CYFIP1: variants seen among roughly 807,000 people sequenced by gnomAD.
CYFIP1 encodes the protein cytoplasmic FMR1-interacting protein 1.
CYFIP1 carries 58 observed loss-of-function variants against 163.5 expected under a neutral mutation model. The observed-to-expected ratio is 0.35, with a 90% CI of 0.29 to 0.44. CYFIP1 has a LOEUF of 0.44. CYFIP1 is among the 20% of genes least tolerant of loss of function. The pLI is 1.00. For missense variants in CYFIP1, 1,338 were observed against 1,653.8 expected, an observed-to-expected ratio of 0.81 and a Z score of 3.31; for synonymous variants, 663 against 660.7, an observed-to-expected ratio of 1.00 and a Z score of -0.05.
intron 1 of CYFIP1, among the ~76,000 whole-genome samples, chr15:22,964,452 G>A (rs2062833269): frequency 6.6e-6 from 1 of 150,996 alleles, no homozygotes; most frequent in Admixed American, 6.6e-5. Context: ...AAGGCAGGAA[G>A]CAGCCTCCAG....
At chr15:22,924,663 G>A (rs1891104383) in intron 13 of CYFIP1, among the ~76,000 whole-genome samples, 1 of 152,072 alleles carries the variant, frequency 6.6e-6, no homozygotes, top group Admixed American at 6.5e-5. Context: ...CTCTGTGAAT[G>A]TGCTGAAAGC....
chr15:22,912,164 C>G lies in CYFIP1; in HGVS notation c.2082+15G>C. 1.2e-6 allele frequency: 2 copies of G among 1,600,666 alleles called. No individual in the cohort carries two copies. The highest frequency in any genetic ancestry group is 8.5e-7 in the Non-Finnish European group (1 of 1,170,178). On this transcript the variant is annotated intron_variant, in intron 18 of 30. Coordinates refer to ENST00000617928, the MANE Select transcript of CYFIP1 (RefSeq NM_014608.6). ...TTGAAGGAAATGAACAGAAATGGAGCTGCAGGGGCCTCACCTCGGCCTCAA... is the reference window on the plus strand; with the variant it reads ...TTGAAGGAAATGAACAGAAATGGAGGTGCAGGGGCCTCACCTCGGCCTCAA...
At chr15:22,894,863 TTA>T (rs1555401560) in intron 22 of CYFIP1, among the ~76,000 whole-genome samples, 6 of 134,584 alleles carry the variant, frequency 4.5e-5, no homozygotes, top group South Asian at 2.4e-4. Flanking sequence ...ATTATATATT[TTA>T]TATATATATA....
chr15:22,945,488 C>T (rs2062027539), intron 3 of CYFIP1, among the ~76,000 whole-genome samples: 2 of 152,198 alleles, frequency 1.3e-5, no homozygotes, highest in Non-Finnish European at 2.9e-5. Flanking sequence ...ACTGCTTTTG[C>T]TTTCCACTCT....
At chr15:22,945,635 A>G (rs2062033178) in intron 3 of CYFIP1, among the ~76,000 whole-genome samples, 2 of 150,148 alleles carry the variant, frequency 1.3e-5, no homozygotes, top group African/African-American at 4.9e-5. Flanking sequence ...GTGCAGTGGC[A>G]CGATCTCAGC....
At chr15:22,904,271 G>A (rs892755641) in intron 21 of CYFIP1, 19 of 313,480 alleles carry the variant, frequency 6.1e-5, no homozygotes, top group African/African-American at 8.5e-5. Flanking sequence ...CTCCCTGGGC[G>A]TTGGAGCTGA....
rs1251450016 is a variant in CYFIP1, at chr15:22,916,726, C to T, written c.1675-96G>A. Reference sequence around the variant, plus strand: ...AGCCCATGAGAGAAGGACTGCTCCGCTACGCCCTGGTCGGGAGGGCCCCGC... The same window carrying T: ...AGCCCATGAGAGAAGGACTGCTCCGTTACGCCCTGGTCGGGAGGGCCCCGC... On this transcript the variant is annotated intron_variant, in intron 15 of 30. Coordinates refer to ENST00000617928, the MANE Select transcript of CYFIP1 (RefSeq NM_014608.6). 103 of 1,613,872 alleles carry T rather than the reference C, an allele frequency of 6.4e-5. 1 individual carries two copies. Among genetic ancestry groups the T allele is most frequent in the Middle Eastern group, 1.6e-4 (1 of 6,062 alleles).
rs372951548 is a variant in CYFIP1 at position 22,870,087 on chromosome 15, G to C, written c.3703C>G (p.Pro1235Ala). 6.2e-7 allele frequency: 1 copy of C among 1,612,756 alleles called. No individual in the cohort carries two copies. The highest frequency in any genetic ancestry group is 2.2e-5 in the East Asian group (1 of 44,808). Residue 1235 changes from proline to alanine, a missense_variant, in exon 31 of 31, where the codon CCA (proline) becomes GCA (alanine). Physicochemically the swap from Pro to Ala is conservative, Grantham distance 27 (BLOSUM62 -1). Transcript: ENST00000617928. ...TGGAAGCAGCGCACATGCTCCACTG[G>C]CGTGCCCTCCCCGTCGCCTGACTTC... The part of the protein sequence containing the change: ...YLKSGDGEGT[P>A]VEHVRCFQPP...
rs1190769220 is a variant in CYFIP1 at position 22,895,236 on chromosome 15, G to C, written c.2589-2259C>G. Among the ~76,000 whole-genome samples, 5 of 152,036 alleles carry C rather than the reference G, an allele frequency of 3.3e-5. 1 individual carries two copies. In the South Asian group the frequency reaches 6.2e-4, roughly 19 times the overall value. ...TCACTGTGTTAGCCAGGATGGTCTC[G>C]ATCTCCTGACCTCGTGATCTGTCTG... On this transcript the variant is annotated intron_variant, in intron 22 of 30. Coordinates refer to ENST00000617928, the MANE Select transcript of CYFIP1 (RefSeq NM_014608.6).
At chr15:22,914,329 T>A (rs2060896648) in intron 17 of CYFIP1, among the ~76,000 whole-genome samples, 1 of 152,154 alleles carries the variant, frequency 6.6e-6, no homozygotes, top group African/African-American at 2.4e-5. Context: ...CGTGACTGGT[T>A]CTAGTGCCTG....
chr15:22,882,035 C>T, intron 24 of CYFIP1, 99 bp from the exon 25 acceptor site: 1 of 1,001,232 alleles, frequency 1.0e-6, no homozygotes, highest in Non-Finnish European at 1.5e-6. Context: ...TAGCAAAGAG[C>T]TCGGTAACCA....
Position 22,882,967 on chromosome 15 carries a change from G to A in CYFIP1, c.2721C>T (p.Asn907=), listed in dbSNP as rs779467521. Residue 907 remains asparagine, a synonymous_variant, in exon 24 of 31, where the codon AAC becomes AAT. Coordinates refer to ENST00000617928, the MANE Select transcript of CYFIP1 (RefSeq NM_014608.6). ...AYSSIYGSYR[N]FVGPPHFQVI... The stretch of plus-strand genomic sequence containing the variant: ...CTTGAAAGTGTGGAGGTCCCACGAA[G>A]TTCCGGTAGCTGCCGTAAATGCTGG... 7.4e-5 allele frequency: 120 copies of A among 1,613,956 alleles called. No individual in the cohort carries two copies. Among genetic ancestry groups the A allele is most frequent in the Non-Finnish European group, 9.7e-5 (115 of 1,179,962 alleles).
Position 22,944,542 on chromosome 15 carries a change from T to A in CYFIP1, c.387+16A>T. 2 of 1,568,438 alleles carry A rather than the reference T, an allele frequency of 1.3e-6. No homozygotes were observed. The highest frequency in any genetic ancestry group is 1.8e-6 in the Non-Finnish European group (2 of 1,140,048). ...CCCTCGGTGTTACACCCCCCCCAGA[T>A]TATTTGCCATTTTACCTGGAAGTAC... On this transcript the variant is annotated intron_variant, in intron 5 of 30. Transcript: ENST00000617928.
chr15:22,907,596 C>G (rs1228704457), intron 21 of CYFIP1, among the ~76,000 whole-genome samples: 1 of 152,212 alleles, frequency 6.6e-6, no homozygotes, highest in Non-Finnish European at 1.5e-5. Flanking sequence ...TAAACCCTCC[C>G]CCTGCTCCCA....
chr15:22,907,770 G>C lies in CYFIP1; in HGVS notation c.2388+1424C>G, dbSNP rs754908030. Among the ~76,000 whole-genome samples, 49 of 152,296 alleles carry C rather than the reference G, an allele frequency of 3.2e-4. No homozygotes were observed. In the South Asian group the frequency reaches 3.3e-3, roughly 10 times the overall value. On this transcript the variant is annotated intron_variant, in intron 21 of 30. Transcript: ENST00000617928. ...TTGGGGGGTGGTCAGGTGATCCACA[G>C]AGCTGTGGTTCGGGGGCCCGCTCAC...
chr15:22,899,531 A>G (rs1225200935), intron 22 of CYFIP1, among the ~76,000 whole-genome samples: 1 of 132,820 alleles, frequency 7.5e-6, no homozygotes, highest in Non-Finnish European at 1.6e-5. Context: ...CATGGTTTTA[A>G]AAGGTGAGTT....
chr15:22,980,234 A>G (rs2063439679), intron 1 of CYFIP1, 53 bp downstream of exon 1: 1 of 149,404 alleles, frequency 6.7e-6, no homozygotes, highest in Non-Finnish European at 1.5e-5. Flanking sequence ...TCCGAGGGGG[A>G]CCCGGACCCC....
At chr15:22,903,647 C>G in intron 22 of CYFIP1, 59 bp downstream of exon 22, 1 of 1,569,648 alleles carries the variant, frequency 6.4e-7, no homozygotes, top group Non-Finnish European at 8.7e-7. Context: ...AGGAAGCCTG[C>G]GGGGACATGG....
chr15:22,867,334 A>T lies in CYFIP1; in HGVS notation c.*2694T>A, dbSNP rs2059168108. On this transcript the variant is annotated 3_prime_UTR_variant, in exon 31 of 31. Transcript: ENST00000617928. ...TGATGATGATTGGTTTTATTTTTGA[A>T]ATATTTATTAAGGGAAAACTAAGTT... 7.6e-6 allele frequency: 3 copies of T among 396,378 alleles called. No individual in the cohort carries two copies. The highest frequency in any genetic ancestry group is 1.3e-5 in the Non-Finnish European group (3 of 225,064). The allele number at this position is 396,378 out of a possible 1,614,324, so 24.6% of individuals were successfully genotyped here. A position where few individuals can be genotyped will look rare whatever the true frequency, so the allele number is the denominator to read the frequency against.
Sources: gnomAD v4.1 joint callset for allele counts (sites outside exome capture counted in the v4.1 genomes callset) on GRCh38, gnomAD v4.1.1 for gene constraint, MANE v1.5 for transcripts, NCBI Gene and HGNC (gene_info 2026-07-23, HGNC 2026-07-21) for gene names.